The following OPCML variants were observed in gnomAD, a reference collection of about 807,000 sequenced individuals.
OPCML encodes opioid binding protein/cell adhesion molecule like.
Under a neutral mutation model 37.8 loss-of-function variants are expected in OPCML, and 13 were observed. That is an observed-to-expected ratio of 0.34 (90% confidence interval 0.22 to 0.55). OPCML has a LOEUF of 0.55. OPCML is among the 20% of genes least tolerant of loss of function. The pLI, the probability that OPCML is intolerant of heterozygous loss-of-function variation, is 0.91. For synonymous variants in OPCML, 176 were observed against 168.8 expected, an observed-to-expected ratio of 1.04 and a Z score of -0.33; for missense variants, 341 against 435.6, an observed-to-expected ratio of 0.78 and a Z score of 1.93.
chr11:133,472,689 G>A (rs1947145531), intron 1 of OPCML, among the ~76,000 whole-genome samples: 1 of 151,952 alleles, frequency 6.6e-6, no homozygotes. Context: ...TGGCAATTAT[G>A]TTTTGTCTTC....
At chr11:132,763,637 C>T (rs1591575100) in intron 2 of OPCML, among the ~76,000 whole-genome samples, 1 of 152,300 alleles carries the variant, frequency 6.6e-6, no homozygotes, top group South Asian at 2.1e-4. Flanking sequence ...CTGAAAGGAG[C>T]TACTGATTAA....
At chr11:133,121,570 G>A (rs1265062113) in intron 1 of OPCML, among the ~76,000 whole-genome samples, 1 of 152,156 alleles carries the variant, frequency 6.6e-6, no homozygotes, top group Admixed American at 6.5e-5. Context: ...GGTCAACATG[G>A]AGGAGTTAGA....
At chr11:133,332,062 T>C (rs1289734950) in intron 1 of OPCML, among the ~76,000 whole-genome samples, 2 of 152,238 alleles carry the variant, frequency 1.3e-5, no homozygotes, top group East Asian at 3.8e-4. Context: ...TTCCTATCCA[T>C]GAGCATGGGA....
intron 2 of OPCML, among the ~76,000 whole-genome samples, chr11:132,701,007 A>G (rs891202914): frequency 2.0e-5 from 3 of 152,110 alleles, no homozygotes; most frequent in African/African-American, 7.2e-5. Context: ...TATCTTCTTG[A>G]TGAACTGAAC....
At chr11:132,744,411 C>T (rs1945543991) in intron 2 of OPCML, among the ~76,000 whole-genome samples, 1 of 152,210 alleles carries the variant, frequency 6.6e-6, no homozygotes, top group Non-Finnish European at 1.5e-5. Context: ...CTCTCTTAAA[C>T]TGGTTCTTTC....
rs73023601 is a variant in OPCML at position 133,161,463 on chromosome 11, A to G, written c.62-218453T>C. ...AGAACTGAGTAATAGCATGGACAGG[A>G]GCGTGGGATTTAAAGCTGTGAGTGG... On this transcript the variant is annotated intron_variant, in intron 1 of 7. Coordinates refer to ENST00000524381, the MANE Select transcript of OPCML (RefSeq NM_001012393.5). 9.4e-3 allele frequency among the ~76,000 whole-genome samples: 1,437 copies of G among 152,244 alleles called. 10 individuals are homozygous for G. The highest frequency in any genetic ancestry group is 0.026 in the South Asian group (123 of 4,812).
intron 1 of OPCML, among the ~76,000 whole-genome samples, chr11:133,284,388 C>T (rs566347543): frequency 6.6e-6 from 1 of 151,374 alleles, no homozygotes; most frequent in South Asian, 2.2e-4. Flanking sequence ...AAAGCAAAAG[C>T]GGGTGTTTGG....
chr11:133,135,585 T>C (rs1459961283), intron 1 of OPCML, among the ~76,000 whole-genome samples: 1 of 152,116 alleles, frequency 6.6e-6, no homozygotes, highest in African/African-American at 2.4e-5. Context: ...CTCCCATAGA[T>C]ATTTATAGTA....
At chr11:133,490,956 A>G (rs544337470) in intron 1 of OPCML, among the ~76,000 whole-genome samples, 1 of 152,258 alleles carries the variant, frequency 6.6e-6, no homozygotes. Flanking sequence ...TGGAAGCTGC[A>G]TGAAGGCAGA....
intron 1 of OPCML, among the ~76,000 whole-genome samples, chr11:133,438,762 C>T (rs367774129): frequency 5.9e-5 from 9 of 152,248 alleles, no homozygotes; most frequent in Admixed American, 3.9e-4. Flanking sequence ...CATCCCTGAC[C>T]TCTGGGGAGG....
chr11:133,329,226 G>A (rs1177728321), intron 1 of OPCML, among the ~76,000 whole-genome samples: 3 of 152,136 alleles, frequency 2.0e-5, no homozygotes, highest in African/African-American at 4.8e-5. Flanking sequence ...CATGGGTAGG[G>A]AGAATCAATA....
intron 1 of OPCML, among the ~76,000 whole-genome samples, chr11:133,178,488 G>C (rs559280): frequency 0.68 from 104,045 of 151,950 alleles, 37,364 homozygotes; most frequent in African/African-American, 0.88. Context: ...TTGCCAGGTG[G>C]AAAGTACAGA....
chr11:133,438,882 C>T (rs1261661994), intron 1 of OPCML, among the ~76,000 whole-genome samples: 1 of 152,160 alleles, frequency 6.6e-6, no homozygotes, highest in Admixed American at 6.5e-5. Context: ...GTTCAGAGTG[C>T]TCCCAGGTTG....
In OPCML at chr11:132,638,163, CTATATA is replaced by C. The variant is rs71905540; in HGVS notation, c.379+18918_379+18923del. On this transcript the variant is annotated intron_variant, in intron 3 of 7. Transcript: ENST00000524381. ...GAAAGCTAAAGAGCATATATACAGA[CTATATA>C]TATATATATATATATATACAGAGAG... is the stretch of plus-strand genomic sequence containing the variant. Among the ~76,000 whole-genome samples the C allele has an allele frequency of 3.2e-3, 414 of 128,236 alleles. 13 individuals carry two copies. Among genetic ancestry groups the C allele is most frequent in the Admixed American group, 0.026 (327 of 12,662 alleles). 84.1% of individuals were successfully genotyped at this position (128,236 alleles called of 152,430 possible).
At position 133,469,475 on chromosome 11, in the gene OPCML, G is replaced by A. The variant is rs142775862; in HGVS notation, c.61+62789C>T. Among the ~76,000 whole-genome samples, 541 of 152,294 alleles carry A rather than the reference G, an allele frequency of 3.6e-3. 3 individuals are homozygous for A. Among genetic ancestry groups the A allele is most frequent in the African/African-American group, 0.012 (488 of 41,566 alleles). On this transcript the variant is annotated intron_variant, in intron 1 of 7. Transcript: ENST00000524381. ...AGTTCACACATGATGACATGTTGCTGTCATACAAAAGCTTCTTAGCTCATT... is the reference window on the plus strand; with the variant it reads ...AGTTCACACATGATGACATGTTGCTATCATACAAAAGCTTCTTAGCTCATT...
intron 4 of OPCML, among the ~76,000 whole-genome samples, chr11:132,477,178 G>A (rs188063976): frequency 6.1e-4 from 93 of 152,316 alleles, no homozygotes; most frequent in Middle Eastern, 3.4e-3. Context: ...CAGAGCCAGA[G>A]TGAGTTGCCC....
intron 4 of OPCML, among the ~76,000 whole-genome samples, chr11:132,498,637 C>G (rs935627250): frequency 1.3e-5 from 2 of 152,186 alleles, no homozygotes; most frequent in Non-Finnish European, 2.9e-5. Flanking sequence ...TACAATTCCT[C>G]TGTAGTGGAA....
chr11:133,067,938 A>G (rs2137003255), intron 1 of OPCML: 1 of 152,266 alleles, frequency 6.6e-6, no homozygotes, highest in East Asian at 1.9e-4. Flanking sequence ...GGTCTGAAGG[A>G]TGGTTATCTT....
intron 1 of OPCML, among the ~76,000 whole-genome samples, chr11:133,069,439 T>C (rs1311677692): frequency 1.3e-5 from 2 of 152,188 alleles, no homozygotes; most frequent in Non-Finnish European, 2.9e-5. Context: ...AGCTCTCCTA[T>C]TCACAGAAGA....
Sources: gnomAD v4.1 joint callset for allele counts (sites outside exome capture counted in the v4.1 genomes callset) on GRCh38, gnomAD v4.1.1 for gene constraint, MANE v1.5 for transcripts, NCBI Gene and HGNC (gene_info 2026-07-23, HGNC 2026-07-21) for gene names.